GNAL: variants seen among roughly 807,000 people sequenced by gnomAD.
GNAL encodes the protein guanine nucleotide-binding protein G(olf) subunit alpha.
GNAL carries 18 observed loss-of-function variants against 55.1 expected under a neutral mutation model. The ratio of observed to expected loss-of-function variants is 0.33; its 90% confidence interval spans 0.23 to 0.48. The LOEUF is 0.48. GNAL is among the 20% of genes least tolerant of loss of function. The pLI is 0.99. For synonymous variants in GNAL, 253 were observed against 237.0 expected, an observed-to-expected ratio of 1.07 and a Z score of -0.62; for missense variants, 412 against 614.1, an observed-to-expected ratio of 0.67 and a Z score of 3.48.
chr18:11,870,721 A>G (rs2036378764), intron 9 of GNAL, among the ~76,000 whole-genome samples: 1 of 152,162 alleles, frequency 6.6e-6, no homozygotes, highest in South Asian at 2.1e-4. Flanking sequence ...CACAATACAT[A>G]CATATATAGT....
At chr18:11,809,850 A>T (rs901167640) in intron 4 of GNAL, among the ~76,000 whole-genome samples, 1 of 152,284 alleles carries the variant, frequency 6.6e-6, no homozygotes, top group Non-Finnish European at 1.5e-5. Context: ...GTATAGAATT[A>T]CAAGGTGTTT....
intron 4 of GNAL, among the ~76,000 whole-genome samples, chr18:11,802,772 C>CG (rs1568034165): frequency 6.6e-6 from 1 of 152,098 alleles, no homozygotes; most frequent in Non-Finnish European, 1.5e-5. Flanking sequence ...AAGAATAAAG[C>CG]GGGGTAGGGA....
chr18:11,876,654 C>G lies in GNAL; in HGVS notation c.1196C>G (p.Thr399Arg). Residue 399 changes from threonine to arginine, a missense_variant, in exon 11 of 12, where the codon ACA becomes AGA. Around this residue, in one of 5 missense-constraint regions of GNAL, gnomAD observed 79 missense variants for 127.1 expected, o/e 0.62. Transcript: ENST00000334049. Reference protein sequence around the residue: ...TPDAGEDPKVTRAKFFIRDLF... With the variant: ...TPDAGEDPKVRRAKFFIRDLF... Reference sequence around the variant, plus strand: ...GATGCAGGAGAAGATCCCAAAGTTACAAGAGCCAAGTTCTTTATCCGGGAC... The same window carrying G: ...GATGCAGGAGAAGATCCCAAAGTTAGAAGAGCCAAGTTCTTTATCCGGGAC... The G allele has an allele frequency of 1.2e-6, 2 of 1,608,338 alleles. No individual in the cohort carries two copies.
intron 4 of GNAL, among the ~76,000 whole-genome samples, chr18:11,775,675 CCCT>C (rs1314124625): frequency 6.6e-6 from 1 of 152,320 alleles, no homozygotes; most frequent in Middle Eastern, 3.4e-3. Flanking sequence ...TAAAGCAAGT[CCCT>C]CAAGAGGCAT....
chr18:11,836,810 A>T (rs2035508113), intron 5 of GNAL, among the ~76,000 whole-genome samples: 1 of 152,218 alleles, frequency 6.6e-6, no homozygotes, highest in African/African-American at 2.4e-5. Context: ...CCAGCCACTG[A>T]ATGACAAAGA....
intron 1 of GNAL, chr18:11,747,546 G>C (rs2032715550): frequency 6.6e-6 from 1 of 152,114 alleles, no homozygotes; most frequent in Admixed American, 6.6e-5. Flanking sequence ...CTGCAAGTCA[G>C]CTACCTAAGC....
intron 4 of GNAL, among the ~76,000 whole-genome samples, chr18:11,755,255 A>G (rs1019014605): frequency 2.6e-5 from 4 of 152,050 alleles, no homozygotes; most frequent in Non-Finnish European, 5.9e-5. Context: ...GGGATGGCTA[A>G]TAAGAATGAC....
At chr18:11,848,446 CT>C (rs1037403264) in intron 5 of GNAL, among the ~76,000 whole-genome samples, 4 of 150,106 alleles carry the variant, frequency 2.7e-5, no homozygotes, top group East Asian at 1.9e-4. Flanking sequence ...CATACTTTTT[CT>C]TTTTTTTTCT....
intron 5 of GNAL, chr18:11,857,187 A>G (rs1418574848): frequency 2.6e-5 from 4 of 152,250 alleles, no homozygotes; most frequent in African/African-American, 9.6e-5. Context: ...AGTTTATGTT[A>G]TTTTATACCT....
intron 5 of GNAL, chr18:11,852,243 A>T: frequency 1.8e-6 from 2 of 1,092,084 alleles, no homozygotes; most frequent in Non-Finnish European, 2.6e-6. Context: ...CTTTGGGTTT[A>T]CAGCCCCCTC....
intron 1 of GNAL, among the ~76,000 whole-genome samples, chr18:11,708,764 GTTGA>G (rs1159730679): frequency 1.3e-5 from 2 of 152,136 alleles, no homozygotes; most frequent in African/African-American, 4.8e-5. Flanking sequence ...TCTTCATTCT[GTTGA>G]TTGTTTCCTT....
At chr18:11,715,772 A>G (rs2031948060) in intron 1 of GNAL, among the ~76,000 whole-genome samples, 1 of 152,150 alleles carries the variant, frequency 6.6e-6, no homozygotes, top group Admixed American at 6.5e-5. Flanking sequence ...TATTTATAAT[A>G]ATCCAAGCAG....
At chr18:11,840,926 G>C (rs1297533393) in intron 5 of GNAL, among the ~76,000 whole-genome samples, 1 of 149,172 alleles carries the variant, frequency 6.7e-6, no homozygotes, top group East Asian at 2.0e-4. Context: ...CCAGACTGGA[G>C]TCAGTGCTAC....
In GNAL at chr18:11,876,624, C is replaced by A; in HGVS notation, c.1166C>A (p.Thr389Lys). The change falls in exon 11 of 12, where the codon ACA (threonine) becomes AAA (lysine). Residue 389 changes from threonine (T) to lysine (K), a missense_variant. Around this residue, in one of 5 missense-constraint regions of GNAL, gnomAD observed 79 missense variants for 127.1 expected, o/e 0.62. Coordinates refer to ENST00000334049, the MANE Select transcript of GNAL (RefSeq NM_182978.4). ...GTTCCATTTGTCATTTCTACAGCAA[C>A]ACCAGATGCAGGAGAAGATCCCAAA... ...YANYTVPEDA[T>K]PDAGEDPKVT... 6.3e-7 allele frequency: 1 copy of A among 1,582,760 alleles called. No individual in the cohort carries two copies. Among genetic ancestry groups the A allele is most frequent in the Non-Finnish European group, 8.7e-7 (1 of 1,151,332 alleles).
intron 4 of GNAL, among the ~76,000 whole-genome samples, chr18:11,783,437 GA>G (rs1014278684): frequency 2.0e-4 from 31 of 152,184 alleles, no homozygotes; most frequent in African/African-American, 2.9e-4. Flanking sequence ...CTAATCGGAA[GA>G]AAAAAATTAT....
At chr18:11,825,077 T>C in intron 5 of GNAL, 62 bp downstream of exon 5, 1 of 858,700 alleles carries the variant, frequency 1.2e-6, no homozygotes, top group Non-Finnish European at 2.0e-6. Context: ...TGCATGATTA[T>C]GCTGCCTTCT....
intron 4 of GNAL, among the ~76,000 whole-genome samples, chr18:11,778,413 G>A (rs2033841168): frequency 2.6e-5 from 4 of 152,128 alleles, no homozygotes; most frequent in African/African-American, 4.8e-5. Flanking sequence ...CAGGCTGAGC[G>A]AGCATCCCCT....
chr18:11,788,108 C>A (rs2034112699), intron 4 of GNAL, among the ~76,000 whole-genome samples: 1 of 152,136 alleles, frequency 6.6e-6, no homozygotes, highest in African/African-American at 2.4e-5. Flanking sequence ...ATCTTACACA[C>A]CCCTGAGAAT....
intron 1 of GNAL, among the ~76,000 whole-genome samples, chr18:11,736,498 A>G (rs539069648): frequency 2.2e-4 from 33 of 152,318 alleles, no homozygotes; most frequent in African/African-American, 7.2e-4. Flanking sequence ...TTTAAACTGC[A>G]TTTGTACAGC....
Sources: gnomAD v4.1 joint callset for allele counts (sites outside exome capture counted in the v4.1 genomes callset) on GRCh38, gnomAD v4.1.1 for gene constraint, gnomAD v4.1.1 regional missense constraint, MANE v1.5 for transcripts, NCBI Gene and HGNC (gene_info 2026-07-23, HGNC 2026-07-21) for gene names.